ZNF483: variants seen among roughly 807,000 people sequenced by gnomAD.
ZNF483 encodes the protein zinc finger protein HIT-10.
A neutral mutation model predicts 28.6 loss-of-function variants in ZNF483; 9 were observed. The observed-to-expected ratio is 0.32, with a 90% confidence interval of 0.19 to 0.55. The LOEUF (loss-of-function observed/expected upper bound fraction) is 0.55, where lower values mean the gene tolerates loss of function less well. Among genes scored for constraint, ZNF483 ranks in the 20% least tolerant of loss-of-function variants. The pLI, the probability that ZNF483 is intolerant of heterozygous loss-of-function variation, is 0.93. For missense variants in ZNF483, 675 were observed against 871.7 expected (o/e 0.77, Z 2.84); for synonymous variants, 322 against 306.2 (o/e 1.05, Z -0.54).
chr9:111,548,153 A>G lies in ZNF483; in HGVS notation c.*4983A>G, dbSNP rs904257739. Among the ~76,000 whole-genome samples the G allele has an allele frequency of 3.3e-5, 5 of 152,180 alleles. No homozygotes were observed. The highest frequency in any genetic ancestry group is 1.2e-4 in the African/African-American group (5 of 41,438). ...CTATTTGGGGGTCCTTAAGATTTCAAATGAATTTTAGGATGGTTTGTTTGT... is the reference window on the plus strand; with the variant it reads ...CTATTTGGGGGTCCTTAAGATTTCAGATGAATTTTAGGATGGTTTGTTTGT... On this transcript the variant is annotated 3_prime_UTR_variant, in exon 6 of 6. Transcript: ENST00000309235.
intron 5 of ZNF483, among the ~76,000 whole-genome samples, 182 bp downstream of exon 5, chr9:111,534,535 G>A (rs1333169716): frequency 1.3e-5 from 2 of 152,076 alleles, no homozygotes; most frequent in Non-Finnish European, 2.9e-5. Flanking sequence ...CTGAATAGAT[G>A]CCAGGACATG....
chr9:111,565,054 G>A (rs1358839079), intron 5 of ZNF483, among the ~76,000 whole-genome samples: 1 of 152,120 alleles, frequency 6.6e-6, no homozygotes. Flanking sequence ...AACCCGGCAG[G>A]CGGAGGTTGC....
intron 2 of ZNF483, 91 bp from the exon 3 acceptor site, chr9:111,530,784 T>TAC (rs1827316436): frequency 2.4e-5 from 2 of 84,358 alleles, no homozygotes; most frequent in Non-Finnish European, 5.0e-5. Context: ...TATATATATA[T>TAC]ATATATATAT....
chr9:111,562,897 G>A (rs1828374066), intron 5 of ZNF483: 2 of 1,260,612 alleles, frequency 1.6e-6, no homozygotes, highest in South Asian at 2.3e-5. Context: ...CCACAACTCA[G>A]AAGAAGCTGT....
rs548685599 is a variant in ZNF483 at position 111,533,975 on chromosome 9, A to G, written c.628+110A>G. Reference sequence around the variant, plus strand: ...AGTACTTGGTTTTGGCTGGGGACCCAGGGACTGATAGGACTAATCCTAAAA... The same window carrying G: ...AGTACTTGGTTTTGGCTGGGGACCCGGGGACTGATAGGACTAATCCTAAAA... On this transcript the variant is annotated intron_variant, in intron 4 of 5. Transcript: ENST00000309235. 34 of 1,299,308 alleles carry G rather than the reference A, an allele frequency of 2.6e-5. No individual in the cohort carries two copies. In the African/African-American group the frequency reaches 4.2e-4, roughly 16 times the overall value. The allele number at this position is 1,299,308 out of a possible 1,614,324, so 80.5% of individuals were successfully genotyped here. A position where few individuals can be genotyped will look rare whatever the true frequency, so the allele number is the denominator to read the frequency against.
chr9:111,552,816 C>A lies in ZNF483; in HGVS notation c.*9646C>A, dbSNP rs1828008565. 6.6e-6 allele frequency among the ~76,000 whole-genome samples: 1 copy of A among 152,032 alleles called. No homozygotes were observed. Among genetic ancestry groups the A allele is most frequent in the African/African-American group, 2.4e-5 (1 of 41,396 alleles). On this transcript the variant is annotated 3_prime_UTR_variant, in exon 6 of 6. Coordinates refer to ENST00000309235, the MANE Select transcript of ZNF483 (RefSeq NM_133464.5). Reference sequence around the variant, plus strand: ...TATTAAAATATAAATATTCTATTAGCAAAAATATATTCTGTTCATGTATAT... The same window carrying A: ...TATTAAAATATAAATATTCTATTAGAAAAAATATATTCTGTTCATGTATAT...
intron 5 of ZNF483, among the ~76,000 whole-genome samples, chr9:111,572,912 A>G (rs1828891004): frequency 6.6e-6 from 1 of 152,154 alleles, no homozygotes; most frequent in South Asian, 2.1e-4. Flanking sequence ...GTTGATGAGA[A>G]TGTTGGTTTT....
At chr9:111,531,827 G>C (rs1302704569) in intron 3 of ZNF483, among the ~76,000 whole-genome samples, 1 of 152,166 alleles carries the variant, frequency 6.6e-6, no homozygotes, top group East Asian at 1.9e-4. Flanking sequence ...GACAACTGGC[G>C]CACGCCACTG....
At position 111,544,606 on chromosome 9, in the gene ZNF483, C is replaced by T. The variant is rs1304550727; in HGVS notation, c.*1436C>T. Among the ~76,000 whole-genome samples, 1 of 152,082 alleles carries T rather than the reference C, an allele frequency of 6.6e-6. No homozygotes were observed. Among genetic ancestry groups the T allele is most frequent in the Non-Finnish European group, 1.5e-5 (1 of 68,016 alleles). Reference sequence around the variant, plus strand: ...ATGAATGTTCTATTATAACCCCTACCATTTGGAGAATAGATACCCTAAAAT... The same window carrying T: ...ATGAATGTTCTATTATAACCCCTACTATTTGGAGAATAGATACCCTAAAAT... On this transcript the variant is annotated 3_prime_UTR_variant, in exon 6 of 6. Transcript: ENST00000309235.
At chr9:111,530,756 AATATATATATATATATAT>A (rs60541488) in intron 2 of ZNF483, 101 bp from the exon 3 acceptor site, 31 of 70,576 alleles carry the variant, frequency 4.4e-4, no homozygotes, top group Middle Eastern at 8.2e-3. Context: ...ATCACTTAGA[AATATATATATATATATAT>A]ATATATATAT....
At chr9:111,575,648 G>GA (rs1357761093) in intron 5 of ZNF483, among the ~76,000 whole-genome samples, 3 of 152,300 alleles carry the variant, frequency 2.0e-5, no homozygotes, top group African/African-American at 2.4e-5. Flanking sequence ...TTCAATAGAG[G>GA]AAAAATAGTC....
chr9:111,564,488 T>C (rs1217136204), intron 5 of ZNF483, among the ~76,000 whole-genome samples: 1 of 151,710 alleles, frequency 6.6e-6, no homozygotes, highest in African/African-American at 2.4e-5. Flanking sequence ...TTAGTTTTTG[T>C]AGAGACGGGG....
rs1827807662 is a variant in ZNF483 at position 111,546,358 on chromosome 9, A to C, written c.*3188A>C. 6.6e-6 allele frequency among the ~76,000 whole-genome samples: 1 copy of C among 152,172 alleles called. No individual in the cohort carries two copies. Among genetic ancestry groups the C allele is most frequent in the Admixed American group, 6.6e-5 (1 of 15,266 alleles). On this transcript the variant is annotated 3_prime_UTR_variant, in exon 6 of 6. Coordinates refer to ENST00000309235, the MANE Select transcript of ZNF483 (RefSeq NM_133464.5). Reference sequence around the variant, plus strand: ...AGAGCAGCCCAAACTCTGTTGGATAATATTTATCAAAGTCTTGATTTCAGT... The same window carrying C: ...AGAGCAGCCCAAACTCTGTTGGATACTATTTATCAAAGTCTTGATTTCAGT...
chr9:111,540,315 A>T (rs1827642461), intron 5 of ZNF483, among the ~76,000 whole-genome samples: 1 of 152,216 alleles, frequency 6.6e-6, no homozygotes, highest in South Asian at 2.1e-4. Context: ...GTTAACTTCT[A>T]GGTAATATGA....
chr9:111,549,732 G>T lies in ZNF483; in HGVS notation c.*6562G>T. The T allele has an allele frequency of 6.5e-7, 1 of 1,549,224 alleles. No individual in the cohort carries two copies. The highest frequency in any genetic ancestry group is 8.7e-7 in the Non-Finnish European group (1 of 1,146,266). On this transcript the variant is annotated 3_prime_UTR_variant, in exon 6 of 6. Coordinates refer to ENST00000309235, the MANE Select transcript of ZNF483 (RefSeq NM_133464.5). ...TGGACCCTTGCCTTCTAAGGTAATGGTGAATGATACATATTCCCTTCATTT... is the reference window on the plus strand; with the variant it reads ...TGGACCCTTGCCTTCTAAGGTAATGTTGAATGATACATATTCCCTTCATTT...
intron 5 of ZNF483, among the ~76,000 whole-genome samples, chr9:111,576,211 G>A (rs1319052731): frequency 6.6e-6 from 1 of 151,754 alleles, no homozygotes; most frequent in Non-Finnish European, 1.5e-5. Context: ...GAAGGTTAAA[G>A]GCAATTCACT....
At chr9:111,528,301 G>A (rs965194571) in intron 2 of ZNF483, among the ~76,000 whole-genome samples, 1 of 152,132 alleles carries the variant, frequency 6.6e-6, no homozygotes, top group Admixed American at 6.6e-5. Context: ...TGCAAATAAG[G>A]AACTGAATTT....
chr9:111,548,692 C>G lies in ZNF483; in HGVS notation c.*5522C>G, dbSNP rs1428364421. Among the ~76,000 whole-genome samples, 1 of 152,162 alleles carries G rather than the reference C, an allele frequency of 6.6e-6. No individual in the cohort carries two copies. Among genetic ancestry groups the G allele is most frequent in the African/African-American group, 2.4e-5 (1 of 41,438 alleles). On this transcript the variant is annotated 3_prime_UTR_variant, in exon 6 of 6. Coordinates refer to ENST00000309235, the MANE Select transcript of ZNF483 (RefSeq NM_133464.5). ...TCCTGAAATGCTTTCTATTTTATAT[C>G]ATTCCGTATGATGTTAGCTGTGGTC... is the stretch of plus-strand genomic sequence containing the variant.
rs772191172 is a variant in ZNF483, at chr9:111,533,712, A to G, written c.502-27A>G. On this transcript the variant is annotated intron_variant, in intron 3 of 5. Coordinates refer to ENST00000309235, the MANE Select transcript of ZNF483 (RefSeq NM_133464.5). ...TTAGGTTCTATTTGGGAATAATCCA[A>G]TACAAAAGAGCTGTTTGGTGTTCTA... The G allele has an allele frequency of 5.2e-6, 8 of 1,540,596 alleles. No individual in the cohort carries two copies. In the African/African-American group the frequency reaches 8.6e-5, roughly 17 times the overall value.
Sources: gnomAD v4.1 joint callset for allele counts (sites outside exome capture counted in the v4.1 genomes callset) on GRCh38, gnomAD v4.1.1 for gene constraint, MANE v1.5 for transcripts, NCBI Gene and HGNC (gene_info 2026-07-23, HGNC 2026-07-21) for gene names.